Variants in GALNTL6 observed in about 807,000 individuals in gnomAD.
GALNTL6 encodes polypeptide N-acetylgalactosaminyltransferase-like 6.
A neutral mutation model predicts 73.7 loss-of-function variants in GALNTL6; 46 were observed. The observed-to-expected ratio is 0.62, with a 90% confidence interval of 0.49 to 0.80. The LOEUF is 0.80. Ranked by LOEUF, GALNTL6 falls within the 30% of genes least tolerant of loss-of-function variation. The probability of loss-of-function intolerance (pLI) is 0.00; values close to 1 mark genes in which losing one functional copy is unlikely to be tolerated. For synonymous variants in GALNTL6, 259 were observed against 263.7 expected, an observed-to-expected ratio of 0.98 and a Z score of 0.17; for missense variants, 604 against 755.0, an observed-to-expected ratio of 0.80 and a Z score of 2.34.
intron 5 of GALNTL6, among the ~76,000 whole-genome samples, chr4:172,368,024 G>A (rs1315828360): frequency 6.6e-6 from 1 of 152,056 alleles, no homozygotes; most frequent in Non-Finnish European, 1.5e-5. Context: ...AAATTCTTTT[G>A]TCTTTTTATT....
At chr4:172,550,121 C>A (rs1415085080) in intron 5 of GALNTL6, among the ~76,000 whole-genome samples, 1 of 152,046 alleles carries the variant, frequency 6.6e-6, no homozygotes, top group Non-Finnish European at 1.5e-5. Context: ...ATATATTTTT[C>A]TCATATATAC....
intron 5 of GALNTL6, among the ~76,000 whole-genome samples, chr4:172,670,661 C>A (rs1379037471): frequency 6.6e-6 from 1 of 152,086 alleles, no homozygotes; most frequent in Non-Finnish European, 1.5e-5. Context: ...TTAACTAGAT[C>A]CCATTTGTCA....
At position 172,119,385 on chromosome 4, in the gene GALNTL6, C is replaced by A. The variant is rs1466859359; in HGVS notation, c.139-110271C>A. On this transcript the variant is annotated intron_variant, in intron 2 of 12. Transcript: ENST00000506823. Reference sequence around the variant, plus strand: ...AATGGACTCATTATTTGGTTATTATCAACTTTTAGTTCTGAATTCCTATGG... The same window carrying A: ...AATGGACTCATTATTTGGTTATTATAAACTTTTAGTTCTGAATTCCTATGG... Among the ~76,000 whole-genome samples, 4 of 152,118 alleles carry A rather than the reference C, an allele frequency of 2.6e-5. No homozygotes were observed. In the East Asian group the frequency reaches 7.7e-4, roughly 29 times the overall value.
chr4:172,406,803 A>G (rs756787658), intron 5 of GALNTL6, among the ~76,000 whole-genome samples: 9 of 152,022 alleles, frequency 5.9e-5, no homozygotes, highest in Non-Finnish European at 7.4e-5. Flanking sequence ...ATCAAACAAT[A>G]TTTCTTTCAT....
At chr4:172,207,738 T>C (rs534888514) in intron 2 of GALNTL6, among the ~76,000 whole-genome samples, 2 of 152,254 alleles carry the variant, frequency 1.3e-5, no homozygotes, top group East Asian at 3.9e-4. Context: ...TTTCCTCAAC[T>C]ACAAGAACAG....
At position 172,965,703 on chromosome 4, in the gene GALNTL6, A is replaced by G. The variant is rs763882587; in HGVS notation, c.1371+13445A>G. Among the ~76,000 whole-genome samples the G allele has an allele frequency of 8.5e-4, 129 of 152,022 alleles. 1 individual carries two copies. Among genetic ancestry groups the G allele is most frequent in the South Asian group, 1.9e-3 (9 of 4,818 alleles). On this transcript the variant is annotated intron_variant, in intron 10 of 12. Coordinates refer to ENST00000506823, the MANE Select transcript of GALNTL6 (RefSeq NM_001034845.3). ...GCCCCAACAGTGGCAATTTAATTCA[A>G]GTCATAACAGAATTAGAGGTGCTTC...
intron 4 of GALNTL6, among the ~76,000 whole-genome samples, chr4:172,328,203 T>G (rs1741008474): frequency 6.6e-6 from 1 of 152,178 alleles, no homozygotes; most frequent in Non-Finnish European, 1.5e-5. Flanking sequence ...TTTAAGAATG[T>G]TGAATATATG....
chr4:172,494,473 G>GAC (rs1734003295), intron 5 of GALNTL6, among the ~76,000 whole-genome samples: 1 of 152,170 alleles, frequency 6.6e-6, no homozygotes, highest in South Asian at 2.1e-4. Flanking sequence ...TCTGCAGAGG[G>GAC]ACAGAACTAA....
intron 5 of GALNTL6, among the ~76,000 whole-genome samples, chr4:172,485,202 A>AT (rs910494305): frequency 3.3e-5 from 5 of 151,652 alleles, no homozygotes; most frequent in Non-Finnish European, 7.4e-5. Flanking sequence ...TTTCTACCCC[A>AT]TTTTTTTTCA....
chr4:172,267,314 G>T (rs1482319512), intron 3 of GALNTL6, among the ~76,000 whole-genome samples: 1 of 152,064 alleles, frequency 6.6e-6, no homozygotes, highest in Admixed American at 6.6e-5. Flanking sequence ...AAGTGAAGTA[G>T]ATTTAAGGAG....
At chr4:171,825,562 G>A (rs1181007287) in intron 2 of GALNTL6, among the ~76,000 whole-genome samples, 1 of 152,024 alleles carries the variant, frequency 6.6e-6, no homozygotes, top group African/African-American at 2.4e-5. Flanking sequence ...AAGATCTTTG[G>A]CATTCCACGA....
At chr4:172,142,050 T>G (rs1733817666) in intron 2 of GALNTL6, among the ~76,000 whole-genome samples, 1 of 152,014 alleles carries the variant, frequency 6.6e-6, no homozygotes, top group South Asian at 2.1e-4. Flanking sequence ...CTTCCTAGAT[T>G]TATTCTTCAG....
chr4:172,574,621 TAACA>T (rs1490740032), intron 5 of GALNTL6, among the ~76,000 whole-genome samples: 4 of 151,552 alleles, frequency 2.6e-5, no homozygotes, highest in Non-Finnish European at 5.9e-5. Context: ...GAAAAACAGC[TAACA>T]AACAACCAGC....
At chr4:172,201,443 G>C (rs1735951226) in intron 2 of GALNTL6, among the ~76,000 whole-genome samples, 1 of 151,700 alleles carries the variant, frequency 6.6e-6, no homozygotes, top group African/African-American at 2.4e-5. Context: ...CTGACCTCAT[G>C]ATCTGCCCAC....
intron 2 of GALNTL6, among the ~76,000 whole-genome samples, chr4:172,197,109 A>T (rs974456516): frequency 6.6e-6 from 1 of 152,172 alleles, no homozygotes; most frequent in Non-Finnish European, 1.5e-5. Flanking sequence ...TACAAAATCA[A>T]TGTGCAAAAC....
intron 5 of GALNTL6, among the ~76,000 whole-genome samples, chr4:172,800,829 G>GA (rs35470544): frequency 1.3e-5 from 2 of 151,408 alleles, no homozygotes; most frequent in Non-Finnish European, 3.0e-5. Flanking sequence ...TATGTCATCG[G>GA]AAAAAAAAAG....
At chr4:172,177,800 C>CGCACATATATACACATGTGTATATATAT (rs1735079287) in intron 2 of GALNTL6, among the ~76,000 whole-genome samples, 1 of 128,900 alleles carries the variant, frequency 7.8e-6, no homozygotes, top group African/African-American at 3.9e-5. Context: ...TATATATATA[C>CGCACATATATACACATGTGTATATATAT]ACACACATAT....
At chr4:172,906,326 C>T in intron 8 of GALNTL6, among the ~76,000 whole-genome samples, 1 of 151,690 alleles carries the variant, frequency 6.6e-6, no homozygotes, top group East Asian at 1.9e-4. Flanking sequence ...TTGCTCAATT[C>T]TATGCAAGTA....
At chr4:172,746,613 AT>A (rs1267611159) in intron 5 of GALNTL6, among the ~76,000 whole-genome samples, 1 of 151,760 alleles carries the variant, frequency 6.6e-6, no homozygotes, top group East Asian at 1.9e-4. Context: ...TTTCTTTATG[AT>A]TTTTAGTGGA....
Sources: allele counts gnomAD v4.1 joint callset (sites outside exome capture counted in the v4.1 genomes callset), GRCh38; gene constraint gnomAD v4.1.1; transcripts MANE v1.5; gene names NCBI Gene and HGNC (gene_info 2026-07-23, HGNC 2026-07-21).